SPECC1: variants seen among roughly 807,000 people sequenced by gnomAD.
SPECC1 encodes the protein cytospin-B.
A neutral mutation model predicts 104.1 loss-of-function variants in SPECC1; 62 were observed. That is an observed-to-expected ratio of 0.60 (90% CI 0.49 to 0.74). The LOEUF (loss-of-function observed/expected upper bound fraction) is 0.74, where lower values mean the gene tolerates loss of function less well. Among genes scored for constraint, SPECC1 ranks in the 30% least tolerant of loss-of-function variants. The pLI, the probability that SPECC1 is intolerant of heterozygous loss-of-function variation, is 0.00. For missense variants in SPECC1, 1,306 were observed against 1,310.5 expected (o/e 1.00, Z 0.05); for synonymous variants, 513 against 501.6 (o/e 1.02, Z -0.30).
chr17:20,263,876 T>G (rs1339448112), intron 12 of SPECC1, among the ~76,000 whole-genome samples: 3 of 151,970 alleles, frequency 2.0e-5, no homozygotes, highest in Non-Finnish European at 4.4e-5. Flanking sequence ...TATTTCCTGC[T>G]GGAGTGATTT....
chr17:20,232,306 G>C lies in SPECC1; in HGVS notation c.2252G>C (p.Arg751Thr), dbSNP rs781522996. The C allele has an allele frequency of 6.2e-7, 1 of 1,614,160 alleles. No individual in the cohort carries two copies. The highest frequency in any genetic ancestry group is 1.1e-5 in the South Asian group (1 of 91,080). ...EAQQELRTVK[R>T]KLLEEEEKNA... ...CAGCAGGAGCTGCGCACCGTGAAGA[G>C]GAAACTGCTGGAGGAGGAGGAGAAG... is the stretch of plus-strand genomic sequence containing the variant. The change falls in exon 7 of 15, where the codon AGG (arginine) becomes ACG (threonine). Residue 751 changes from arginine (R) to threonine (T), a missense_variant. Around this residue, in one of 2 missense-constraint regions of SPECC1, gnomAD observed 1,177 missense variants for 1,139.9 expected, o/e 1.03. Transcript: ENST00000395527.
At chr17:20,268,937 A>G (rs1204054580) in intron 12 of SPECC1, among the ~76,000 whole-genome samples, 1 of 152,190 alleles carries the variant, frequency 6.6e-6, no homozygotes, top group Non-Finnish European at 1.5e-5. Context: ...GGCTTTCTGA[A>G]CAAAAATATC....
At chr17:20,098,420 G>T (rs1271601831) in intron 2 of SPECC1, among the ~76,000 whole-genome samples, 1 of 152,166 alleles carries the variant, frequency 6.6e-6, no homozygotes, top group Non-Finnish European at 1.5e-5. Context: ...CTGTGCCCTA[G>T]TCCTGGTCCT....
At chr17:20,080,695 G>A (rs1268631783) in intron 1 of SPECC1, among the ~76,000 whole-genome samples, 6 of 152,110 alleles carry the variant, frequency 3.9e-5, no homozygotes, top group South Asian at 2.1e-4. Flanking sequence ...TGATGAGGTC[G>A]AACATAGGGA....
Position 20,231,796 on chromosome 17 carries a change from G to C in SPECC1, c.2110G>C (p.Glu704Gln), listed in dbSNP as rs372703091. ...GCTGGAGGAACAGAAGTCAGACCTG[G>C]AGAGGCAGCTGAAGACTCTGACCAA... ...IKLEEQKSDL[E>Q]RQLKTLTKQM... is the part of the protein sequence containing the mutation. Residue 704 changes from glutamate (E) to glutamine (Q), a missense_variant, in exon 6 of 15, where the codon GAG (glutamate) becomes CAG (glutamine). Glu to Gln is a conservative substitution (Grantham distance 29, BLOSUM62 2). Coordinates refer to ENST00000395527, the MANE Select transcript of SPECC1 (RefSeq NM_001243439.2). 2 of 1,614,104 alleles carry C rather than the reference G, an allele frequency of 1.2e-6. No homozygotes were observed. Among genetic ancestry groups the C allele is most frequent in the Middle Eastern group, 1.7e-4 (1 of 6,060 alleles).
intron 1 of SPECC1, chr17:20,017,190 T>C (rs941301612): frequency 6.6e-6 from 1 of 152,246 alleles, no homozygotes; most frequent in Non-Finnish European, 1.5e-5. Flanking sequence ...GGTTTGTCCT[T>C]TTGATGTTTG....
intron 1 of SPECC1, among the ~76,000 whole-genome samples, chr17:20,086,846 G>C (rs1441019814): frequency 6.6e-6 from 1 of 152,208 alleles, no homozygotes; most frequent in African/African-American, 2.4e-5. Context: ...AGAGCACACA[G>C]AGGTTTTGCT....
At chr17:20,225,255 C>CT (rs2038131352) in intron 4 of SPECC1, among the ~76,000 whole-genome samples, 2 of 152,272 alleles carry the variant, frequency 1.3e-5, no homozygotes, top group South Asian at 2.1e-4. Context: ...CAAGCACTCC[C>CT]TTGGCTGCTC....
intron 3 of SPECC1, among the ~76,000 whole-genome samples, chr17:20,168,798 A>G (rs999109912): frequency 2.0e-5 from 3 of 152,196 alleles, no homozygotes; most frequent in Non-Finnish European, 4.4e-5. Flanking sequence ...TGATTCAGAT[A>G]TGTATGTGTA....
At chr17:20,248,215 G>A (rs1036843299) in intron 9 of SPECC1, among the ~76,000 whole-genome samples, 2 of 152,184 alleles carry the variant, frequency 1.3e-5, no homozygotes, top group Non-Finnish European at 2.9e-5. Context: ...AGCTGCAGAA[G>A]GGAAGCCTTA....
intron 12 of SPECC1, among the ~76,000 whole-genome samples, chr17:20,261,874 C>T (rs1375748021): frequency 2.6e-5 from 4 of 152,182 alleles, no homozygotes; most frequent in African/African-American, 9.7e-5. Flanking sequence ...AGTCACCACT[C>T]CCATCCAGAA....
intron 3 of SPECC1, among the ~76,000 whole-genome samples, chr17:20,193,605 C>T (rs1409538442): frequency 6.6e-6 from 1 of 152,160 alleles, no homozygotes; most frequent in Non-Finnish European, 1.5e-5. Context: ...CCATTCATAA[C>T]TCTTGAGTTT....
chr17:20,274,507 C>CTTTTTTTTTTTTTTTTTTTTTTTTTT (rs1162367833), intron 12 of SPECC1, among the ~76,000 whole-genome samples: 1 of 131,466 alleles, frequency 7.6e-6, no homozygotes. Flanking sequence ...TTTCTTTTTT[C>CTTTTTTTTTTTTTTTTTTTTTTTTTT]TTTTTTTTTT....
At chr17:20,034,959 G>A (rs2045002734) in intron 1 of SPECC1, among the ~76,000 whole-genome samples, 1 of 152,220 alleles carries the variant, frequency 6.6e-6, no homozygotes, top group East Asian at 1.9e-4. Context: ...GAGTCATTTT[G>A]AGTTAATTTT....
At position 20,307,522 on chromosome 17, in the gene SPECC1, C is replaced by T. The variant is rs547313129; in HGVS notation, c.3117+1440C>T. 6.7e-4 allele frequency among the ~76,000 whole-genome samples: 102 copies of T among 152,296 alleles called. 1 individual carries two copies. Among genetic ancestry groups the T allele is most frequent in the Non-Finnish European group, 1.0e-3 (70 of 68,028 alleles). ...AAAGGCTCCCTGGGTTTCTCCAGCTCATTGGCAGTACTCTGTTACATGGTC... is the reference window on the plus strand; with the variant it reads ...AAAGGCTCCCTGGGTTTCTCCAGCTTATTGGCAGTACTCTGTTACATGGTC... On this transcript the variant is annotated intron_variant, in intron 14 of 14. Coordinates refer to ENST00000395527, the MANE Select transcript of SPECC1 (RefSeq NM_001243439.2).
Position 20,096,793 on chromosome 17 carries a change from A to G in SPECC1, c.142A>G (p.Ser48Gly). The change falls in exon 2 of 15, where the codon AGC (serine) becomes GGC (glycine). Residue 48 changes from serine (S) to glycine (G), a missense_variant. Around this residue, in one of 2 missense-constraint regions of SPECC1, gnomAD observed 1,177 missense variants for 1,139.9 expected, o/e 1.03. Transcript: ENST00000395527. ...STSLAFESRL[S>G]RLKRASSEDT... ...TTCCTTGGCTTTTGAGTCCCGACTC[A>G]GCAGGGTATGGATCAAAATGCACAG... The G allele has an allele frequency of 1.2e-6, 2 of 1,613,328 alleles. No individual in the cohort carries two copies. The highest frequency in any genetic ancestry group is 1.1e-5 in the South Asian group (1 of 90,958).
intron 12 of SPECC1, among the ~76,000 whole-genome samples, chr17:20,292,493 G>T (rs1453664211): frequency 6.6e-6 from 1 of 152,090 alleles, no homozygotes; most frequent in Non-Finnish European, 1.5e-5. Context: ...ACCACGCCCA[G>T]CTAATTTTGT....
intron 6 of SPECC1, among the ~76,000 whole-genome samples, 159 bp downstream of exon 6, chr17:20,231,990 G>C (rs1344379571): frequency 6.6e-6 from 1 of 152,196 alleles, no homozygotes; most frequent in Non-Finnish European, 1.5e-5. Flanking sequence ...AATCAAAGGA[G>C]TCATTTGGTG....
intron 12 of SPECC1, chr17:20,290,280 A>G (rs1407189456): frequency 6.6e-6 from 1 of 151,926 alleles, no homozygotes; most frequent in East Asian, 1.9e-4. Context: ...CAACATACAT[A>G]CCAACATGGA....
Sources: allele counts gnomAD v4.1 joint callset (sites outside exome capture counted in the v4.1 genomes callset), GRCh38; gene constraint gnomAD v4.1.1; regional missense constraint gnomAD v4.1.1; transcripts MANE v1.5; gene names NCBI Gene and HGNC (gene_info 2026-07-23, HGNC 2026-07-21).